The following PSAT1 variants were observed in gnomAD, a reference collection of about 807,000 sequenced individuals.
PSAT1 encodes phosphoserine aminotransferase.
In PSAT1, 41 loss-of-function variants were observed where a neutral mutation model predicts 40.3. That is an observed-to-expected ratio of 1.02 (90% CI 0.79 to 1.32). The LOEUF is 1.32. Among genes scored for constraint, PSAT1 ranks in the 40% most tolerant of loss-of-function variants. The pLI, the probability that PSAT1 is intolerant of heterozygous loss-of-function variation, is 0.00. For synonymous variants in PSAT1, 147 were observed against 170.5 expected (o/e 0.86, Z 1.07); for missense variants, 406 against 455.8 (o/e 0.89, Z 0.99).
At chr9:78,314,172 C>T (rs1352189605) in intron 6 of PSAT1, among the ~76,000 whole-genome samples, 3 of 149,552 alleles carry the variant, frequency 2.0e-5, no homozygotes, top group Non-Finnish European at 1.5e-5. Context: ...AGATTTTAGA[C>T]GGTATGGGAG....
At chr9:78,322,463 C>T (rs527989963) in intron 7 of PSAT1, among the ~76,000 whole-genome samples, 1 of 152,262 alleles carries the variant, frequency 6.6e-6, no homozygotes, top group Non-Finnish European at 1.5e-5. Context: ...CATTCCAGAA[C>T]CTCTGCTGCT....
chr9:78,316,801 C>G (rs1828351456), intron 6 of PSAT1, among the ~76,000 whole-genome samples: 1 of 152,132 alleles, frequency 6.6e-6, no homozygotes, highest in Non-Finnish European at 1.5e-5. Flanking sequence ...TCCTTTTAAC[C>G]CCTCGGCCAC....
At chr9:78,303,892 G>A (rs1482206392) in intron 3 of PSAT1, among the ~76,000 whole-genome samples, 3 of 152,112 alleles carry the variant, frequency 2.0e-5, no homozygotes, top group Middle Eastern at 3.2e-3. Flanking sequence ...AGTTTCCATG[G>A]CCTTGTCCTT....
chr9:78,306,990 T>G (rs865970811), intron 5 of PSAT1, among the ~76,000 whole-genome samples: 4 of 152,238 alleles, frequency 2.6e-5, no homozygotes, highest in South Asian at 2.1e-4. Flanking sequence ...ACAGTTGAAC[T>G]GACTGAGTGG....
At chr9:78,301,697 A>T (rs1362397610) in intron 2 of PSAT1, among the ~76,000 whole-genome samples, 1 of 152,244 alleles carries the variant, frequency 6.6e-6, no homozygotes, top group Admixed American at 6.5e-5. Context: ...TCACGGAGTG[A>T]TGAATTAATA....
intron 3 of PSAT1, among the ~76,000 whole-genome samples, chr9:78,302,719 G>A (rs1273144209): frequency 1.5e-5 from 2 of 135,304 alleles, no homozygotes; most frequent in African/African-American, 5.8e-5. Context: ...AGGTGACAAA[G>A]CGAGACTCCG....
chr9:78,309,258 G>C (rs936544474), intron 6 of PSAT1, among the ~76,000 whole-genome samples: 3 of 152,240 alleles, frequency 2.0e-5, no homozygotes, highest in African/African-American at 7.2e-5. Flanking sequence ...CTTTGGAGAA[G>C]AACTTTCAAA....
At position 78,306,489 on chromosome 9, in the gene PSAT1, A is replaced by C; in HGVS notation, c.570+3A>C. 1 of 1,614,164 alleles carries C rather than the reference A, an allele frequency of 6.2e-7. No individual in the cohort carries two copies. Among genetic ancestry groups the C allele is most frequent in the Non-Finnish European group, 8.5e-7 (1 of 1,180,024 alleles). ...CCAAGCCAGTGGATGTTTCCAAGGTAGAGTATAAAAGGCAGGGTGAGGGGA... is the reference window on the plus strand; with the variant it reads ...CCAAGCCAGTGGATGTTTCCAAGGTCGAGTATAAAAGGCAGGGTGAGGGGA... On this transcript the variant is annotated splice_donor_region_variant and intron_variant, in intron 5 of 8. Coordinates refer to ENST00000376588, the MANE Select transcript of PSAT1 (RefSeq NM_058179.4).
chr9:78,322,078 A>G (rs1338345859), intron 7 of PSAT1, among the ~76,000 whole-genome samples: 1 of 151,076 alleles, frequency 6.6e-6, no homozygotes, highest in African/African-American at 2.4e-5. Flanking sequence ...TAAAGCAATT[A>G]TGATATTCCT....
intron 6 of PSAT1, among the ~76,000 whole-genome samples, chr9:78,309,666 A>C (rs886983708): frequency 6.6e-6 from 1 of 152,128 alleles, no homozygotes; most frequent in Non-Finnish European, 1.5e-5. Flanking sequence ...ACCGGCCAAC[A>C]TCTTTCTGTA....
Position 78,317,743 on chromosome 9 carries a change from C to G in PSAT1, c.808C>G (p.Leu270Val). 6.2e-7 allele frequency: 1 copy of G among 1,613,552 alleles called. No individual in the cohort carries two copies. The highest frequency in any genetic ancestry group is 8.5e-7 in the Non-Finnish European group (1 of 1,179,630). The change falls in exon 7 of 9, where the codon CTT becomes GTT. Residue 270 changes from leucine (L) to valine (V), a missense_variant. Transcript: ENST00000376588. Reference protein sequence around the residue: ...NNGGAAAMEKLSSIKSQTIYE... With the variant: ...NNGGAAAMEKVSSIKSQTIYE... ...TGGAGGTGCCGCGGCCATGGAGAAG[C>G]TTAGCTCCATCAAATCTCAAACAAT...
In PSAT1 at chr9:78,320,073, A is replaced by G. The variant is rs376032625; in HGVS notation, c.869+2269A>G. Reference sequence around the variant, plus strand: ...TCATCCATCCACCATTGACCCACCCATCCATCTATTCATCTACCACCTGCC... The same window carrying G: ...TCATCCATCCACCATTGACCCACCCGTCCATCTATTCATCTACCACCTGCC... On this transcript the variant is annotated intron_variant, in intron 7 of 8. Transcript: ENST00000376588. Among the ~76,000 whole-genome samples the G allele has an allele frequency of 2.5e-3, 382 of 151,384 alleles. 1 individual carries two copies. Among genetic ancestry groups the G allele is most frequent in the African/African-American group, 8.7e-3 (357 of 41,180 alleles).
At chr9:78,306,183 C>A in intron 4 of PSAT1, 131 bp from the exon 5 acceptor site, 1 of 970,550 alleles carries the variant, frequency 1.0e-6, no homozygotes, top group Non-Finnish European at 1.7e-6. Context: ...TGCTTTCACT[C>A]GTGCAATGCT....
intron 5 of PSAT1, among the ~76,000 whole-genome samples, chr9:78,307,931 C>T (rs1272682143): frequency 3.3e-5 from 5 of 152,036 alleles, no homozygotes; most frequent in South Asian, 2.1e-4. Context: ...CCCAGCTACT[C>T]GGCAGGCTGA....
chr9:78,312,960 G>A (rs1828289350), intron 6 of PSAT1, among the ~76,000 whole-genome samples: 1 of 152,208 alleles, frequency 6.6e-6, no homozygotes, highest in South Asian at 2.1e-4. Context: ...CATCTGCAGA[G>A]CTGGAGTCTT....
intron 3 of PSAT1, 44 bp downstream of exon 3, chr9:78,302,067 T>G (rs1828115724): frequency 7.5e-7 from 1 of 1,327,296 alleles, no homozygotes; most frequent in East Asian, 2.3e-5. Flanking sequence ...TGTTAGATAC[T>G]TCCTAAATCT....
intron 1 of PSAT1, chr9:78,298,286 G>T (rs1828057068): frequency 3.1e-5 from 31 of 985,390 alleles, no homozygotes; most frequent in Admixed American, 6.1e-5. Context: ...TTCTAACCAG[G>T]ATAGAGCTGA....
chr9:78,318,813 G>T (rs965648368), intron 7 of PSAT1, among the ~76,000 whole-genome samples: 1 of 152,112 alleles, frequency 6.6e-6, no homozygotes, highest in African/African-American at 2.4e-5. Context: ...TAGGACATGC[G>T]CATACCTTTT....
At chr9:78,317,098 A>G (rs921176554) in intron 6 of PSAT1, among the ~76,000 whole-genome samples, 3 of 152,212 alleles carry the variant, frequency 2.0e-5, no homozygotes, top group African/African-American at 7.2e-5. Flanking sequence ...TTAGGGCTTA[A>G]GCTGGACAAG....
Sources: gnomAD v4.1 joint callset for allele counts (sites outside exome capture counted in the v4.1 genomes callset) on GRCh38, gnomAD v4.1.1 for gene constraint, MANE v1.5 for transcripts, NCBI Gene and HGNC (gene_info 2026-07-23, HGNC 2026-07-21) for gene names.